SYNE2: variants seen among roughly 807,000 people sequenced by gnomAD.
The protein encoded by SYNE2 is nesprin-2.
SYNE2 carries 431 observed loss-of-function variants against 856.3 expected under a neutral mutation model. The observed-to-expected ratio is 0.50, with a 90% CI of 0.47 to 0.55. The LOEUF is 0.55. SYNE2 is among the 20% of genes least tolerant of loss of function. The pLI is 0.00. For synonymous variants in SYNE2, 2,923 were observed against 2,872.3 expected (o/e 1.02, Z -0.56); for missense variants, 8,129 against 8,023.2 (o/e 1.01, Z -0.50).
At position 64,017,775 on chromosome 14, in the gene SYNE2, T is replaced by TA; in HGVS notation, c.5049+20dup. On this transcript the variant is annotated intron_variant, in intron 34 of 115. Coordinates refer to ENST00000555002, the MANE Select transcript of SYNE2 (RefSeq NM_182914.3). ...GCTGAAGGTAATTTAACAGATAAAATACATGCTTTTCTTGGTACACAATTG... is the reference window on the plus strand; with the variant it reads ...GCTGAAGGTAATTTAACAGATAAAATAACATGCTTTTCTTGGTACACAATTG... The TA allele has an allele frequency of 6.2e-7, 1 of 1,611,382 alleles. No individual in the cohort carries two copies. Among genetic ancestry groups the TA allele is most frequent in the Non-Finnish European group, 8.5e-7 (1 of 1,177,938 alleles).
chr14:63,790,022 A>G (rs889481114), intron 1 of SYNE2, among the ~76,000 whole-genome samples: 8 of 152,212 alleles, frequency 5.3e-5, no homozygotes, highest in African/African-American at 1.9e-4. Flanking sequence ...CTGTAGAATG[A>G]GAGCTCAAGA....
At position 64,204,752 on chromosome 14, in the gene SYNE2, C is replaced by T. The variant is rs116192774; in HGVS notation, c.18201+1789C>T. Among the ~76,000 whole-genome samples the T allele has an allele frequency of 8.2e-3, 1,254 of 152,052 alleles. 13 individuals carry two copies. The highest frequency in any genetic ancestry group is 0.028 in the African/African-American group (1,181 of 41,476). ...ACCATTATTGTAAAGAAGTTAAATG[C>T]TGTGTTAGTTTTCTACTACTGCTGT... is the stretch of plus-strand genomic sequence containing the variant. On this transcript the variant is annotated intron_variant, in intron 100 of 115. Transcript: ENST00000555002.
At position 63,978,646 on chromosome 14, in the gene SYNE2, T is replaced by A. The variant is rs139641990; in HGVS notation, c.1407-206T>A. Among the ~76,000 whole-genome samples, 6 of 152,364 alleles carry A rather than the reference T, an allele frequency of 3.9e-5. No homozygotes were observed. The East Asian group carries it at 1.2e-3, about 29-fold the overall frequency. ...TATTCAGAAAATGTTCTGTTTTTGA[T>A]GTTTTTACCTTAGAAATGGTTGTTG... On this transcript the variant is annotated intron_variant, in intron 13 of 115. Coordinates refer to ENST00000555002, the MANE Select transcript of SYNE2 (RefSeq NM_182914.3).
rs367837311 is a variant in SYNE2, at chr14:64,022,044, C to T, written c.5524+16C>T. On this transcript the variant is annotated intron_variant, in intron 37 of 115. Coordinates refer to ENST00000555002, the MANE Select transcript of SYNE2 (RefSeq NM_182914.3). ...TTATTGAATGGTGAGTGCAACATTT[C>T]TCTTATTTTGTTTCTGGGACTCTTG... 6.2e-7 allele frequency: 1 copy of T among 1,612,132 alleles called. No individual in the cohort carries two copies. Among genetic ancestry groups the T allele is most frequent in the African/African-American group, 1.3e-5 (1 of 74,868 alleles).
chr14:64,048,244 C>T, intron 46 of SYNE2, 89 bp downstream of exon 46: 1 of 1,335,452 alleles, frequency 7.5e-7, no homozygotes, highest in Non-Finnish European at 1.0e-6. Flanking sequence ...CTTGCTTGTA[C>T]AGAGTGAAAA....
intron 78 of SYNE2, among the ~76,000 whole-genome samples, chr14:64,136,511 T>G (rs1567418356): frequency 6.6e-6 from 1 of 152,102 alleles, no homozygotes; most frequent in Non-Finnish European, 1.5e-5. Flanking sequence ...TAACTTAATT[T>G]GAAAATAGCA....
At position 63,990,995 on chromosome 14, in the gene SYNE2, A is replaced by C; in HGVS notation, c.2526A>C (p.Pro842=). 1 of 1,614,208 alleles carries C rather than the reference A, an allele frequency of 6.2e-7. No individual in the cohort carries two copies. Among genetic ancestry groups the C allele is most frequent in the Non-Finnish European group, 8.5e-7 (1 of 1,180,012 alleles). Residue 842 remains proline, a synonymous_variant, in exon 21 of 116, where the codon CCA becomes CCC. Transcript: ENST00000555002. The part of the protein sequence containing the change: ...AALKNLTDVS[P]DLDIRLKMEE... ...TGAAGAACTTAACTGACGTTTCACC[A>C]GATTTGGACATCAGGCTGAAGATGG...
chr14:63,773,269 G>A (rs1214857977), intron 1 of SYNE2, among the ~76,000 whole-genome samples: 1 of 151,824 alleles, frequency 6.6e-6, no homozygotes, highest in Non-Finnish European at 1.5e-5. Flanking sequence ...GCTCAATCAC[G>A]GCTCACTGCA....
At chr14:63,815,003 T>C (rs933399972) in intron 1 of SYNE2, among the ~76,000 whole-genome samples, 8 of 143,700 alleles carry the variant, frequency 5.6e-5, no homozygotes, top group African/African-American at 2.0e-4. Flanking sequence ...CATCCATATA[T>C]ATCCATATAT....
At chr14:64,136,080 A>G (rs975947894) in intron 78 of SYNE2, among the ~76,000 whole-genome samples, 4 of 152,156 alleles carry the variant, frequency 2.6e-5, no homozygotes, top group Non-Finnish European at 5.9e-5. Flanking sequence ...ACCTGAGGTC[A>G]GGAGTTTGAG....
At chr14:64,210,733 C>T (rs1224221727) in intron 103 of SYNE2, among the ~76,000 whole-genome samples, 2 of 152,202 alleles carry the variant, frequency 1.3e-5, no homozygotes, top group African/African-American at 4.8e-5. Context: ...CAGGCAGGGA[C>T]TACAGGACAC....
At chr14:63,766,187 T>G (rs1595090548) in intron 1 of SYNE2, among the ~76,000 whole-genome samples, 3 of 151,398 alleles carry the variant, frequency 2.0e-5, no homozygotes, top group African/African-American at 7.3e-5. Context: ...CAGGCAATTC[T>G]CCTGCCTCAG....
At chr14:64,192,362 T>C (rs1203884498) in intron 99 of SYNE2, among the ~76,000 whole-genome samples, 3 of 152,166 alleles carry the variant, frequency 2.0e-5, no homozygotes. Context: ...AGGATCAAGA[T>C]CTAGCTAATG....
chr14:64,010,910 T>A (rs4027401), intron 32 of SYNE2, among the ~76,000 whole-genome samples: 152,142 of 152,332 alleles, frequency 1, 75,983 homozygotes, highest in Middle Eastern at 1. Flanking sequence ...AATTGCTGGG[T>A]TTATAGGCAT....
chr14:63,890,599 G>A (rs553368969), intron 1 of SYNE2, among the ~76,000 whole-genome samples: 1 of 152,132 alleles, frequency 6.6e-6, no homozygotes, highest in Non-Finnish European at 1.5e-5. Context: ...GGTGGTCAGA[G>A]AGAAACTTTG....
intron 34 of SYNE2, among the ~76,000 whole-genome samples, 165 bp from the exon 35 acceptor site, chr14:64,019,827 T>G (rs929807107): frequency 5.3e-5 from 8 of 152,222 alleles, no homozygotes; most frequent in Non-Finnish European, 1.2e-4. Context: ...GCCTGACCCC[T>G]GAAGGCACTT....
chr14:63,946,719 T>C (rs1182297772), intron 6 of SYNE2, among the ~76,000 whole-genome samples: 1 of 150,016 alleles, frequency 6.7e-6, no homozygotes, highest in Non-Finnish European at 1.5e-5. Context: ...AAAAGTCCTT[T>C]GTAGAATATA....
chr14:63,804,140 T>C (rs1273243758), intron 1 of SYNE2, among the ~76,000 whole-genome samples: 1 of 152,220 alleles, frequency 6.6e-6, no homozygotes, highest in East Asian at 1.9e-4. Context: ...ACCTCTTTTC[T>C]TCATAAATTA....
In SYNE2 at chr14:63,877,502, G is replaced by A. The variant is rs1017390407; in HGVS notation, c.-52+24359G>A. On this transcript the variant is annotated intron_variant, in intron 1 of 115. Transcript: ENST00000555002. ...GTTACTTACATTCTCATATTTTGCCGTAGTAGAGATTAAGAAAACCACTGG... is the reference window on the plus strand; with the variant it reads ...GTTACTTACATTCTCATATTTTGCCATAGTAGAGATTAAGAAAACCACTGG... 4.3e-4 allele frequency among the ~76,000 whole-genome samples: 65 copies of A among 152,064 alleles called. 1 individual carries two copies. Among genetic ancestry groups the A allele is most frequent in the South Asian group, 4.1e-4 (2 of 4,834 alleles).
Sources: allele counts gnomAD v4.1 joint callset (sites outside exome capture counted in the v4.1 genomes callset), GRCh38; gene constraint gnomAD v4.1.1; transcripts MANE v1.5; gene names NCBI Gene and HGNC (gene_info 2026-07-23, HGNC 2026-07-21).